The following GALNT13 variants were observed in gnomAD, a reference collection of about 807,000 sequenced individuals.
GALNT13 encodes the protein UDP-GalNAc:polypeptide N-acetylgalactosaminyltransferase 13.
GALNT13 carries 28 observed loss-of-function variants against 64.2 expected under a neutral mutation model. The observed-to-expected ratio is 0.44, with a 90% CI of 0.32 to 0.60. The LOEUF (loss-of-function observed/expected upper bound fraction) is 0.60. GALNT13 is among the 20% of genes least tolerant of loss of function. The probability of loss-of-function intolerance (pLI) is 0.05; values close to 1 mark genes in which losing one functional copy is unlikely to be tolerated. For synonymous variants in GALNT13, 214 were observed against 224.6 expected, an observed-to-expected ratio of 0.95 and a Z score of 0.42; for missense variants, 577 against 669.8, an observed-to-expected ratio of 0.86 and a Z score of 1.53.
rs577301436 is a variant in GALNT13, at chr2:153,884,839, G to C, written c.-177+12536G>C. ...TGTGTGTATATATATGTGTGTGTGT[G>C]TGTGTATATATGTATATACACACAC... is the stretch of plus-strand genomic sequence containing the variant. On this transcript the variant is annotated intron_variant, in intron 1 of 12. Coordinates refer to ENST00000392825, the MANE Select transcript of GALNT13 (RefSeq NM_052917.4). 2.9e-3 allele frequency among the ~76,000 whole-genome samples: 289 copies of C among 98,956 alleles called. 2 individuals carry two copies. The highest frequency in any genetic ancestry group is 0.013 in the African/African-American group (261 of 20,652). 64.9% of individuals were successfully genotyped at this position (98,956 alleles called of 152,430 possible).
At chr2:153,367,165 T>C in the GALNT13 span, among the ~76,000 whole-genome samples, 1 of 152,086 alleles carries the variant, frequency 6.6e-6, no homozygotes, top group East Asian at 1.9e-4. Flanking sequence ...TAAAATAAAA[T>C]TAGTTTATCT....
At chr2:153,648,309 T>G in the GALNT13 span, among the ~76,000 whole-genome samples, 3 of 152,230 alleles carry the variant, frequency 2.0e-5, no homozygotes, top group Non-Finnish European at 4.4e-5. Flanking sequence ...TTTTTGCACA[T>G]TGATTTTGTA....
chr2:153,985,747 C>T (rs1307812362), intron 3 of GALNT13, among the ~76,000 whole-genome samples: 5 of 151,942 alleles, frequency 3.3e-5, no homozygotes, highest in Non-Finnish European at 7.4e-5. Flanking sequence ...CACATGAAAA[C>T]ATGTCCTGAC....
the GALNT13 span, among the ~76,000 whole-genome samples, chr2:153,636,138 C>T: frequency 3.0e-4 from 45 of 152,040 alleles, no homozygotes; most frequent in Non-Finnish European, 5.3e-4. Context: ...GTCTAATTCC[C>T]CCCTTCACCA....
At chr2:154,024,638 A>G (rs1476324364) in intron 3 of GALNT13, among the ~76,000 whole-genome samples, 1 of 151,922 alleles carries the variant, frequency 6.6e-6, no homozygotes, top group Non-Finnish European at 1.5e-5. Context: ...ATTGGTTTGA[A>G]TTTCCTCCTG....
At chr2:153,936,321 G>T (rs988940886) in intron 2 of GALNT13, among the ~76,000 whole-genome samples, 3 of 152,154 alleles carry the variant, frequency 2.0e-5, no homozygotes, top group Non-Finnish European at 4.4e-5. Context: ...CAAATACTAT[G>T]CCATTTTATA....
chr2:154,301,181 A>G (rs1404700227), intron 8 of GALNT13, among the ~76,000 whole-genome samples: 1 of 152,208 alleles, frequency 6.6e-6, no homozygotes, highest in Admixed American at 6.5e-5. Context: ...AAAGAGACAT[A>G]CATTAAATGT....
At chr2:153,400,681 C>A in the GALNT13 span, among the ~76,000 whole-genome samples, 17 of 152,286 alleles carry the variant, frequency 1.1e-4, no homozygotes, top group South Asian at 2.9e-3. Context: ...GGAATTTATC[C>A]ATTTCTTCTA....
the GALNT13 span, among the ~76,000 whole-genome samples, chr2:153,566,744 C>G: frequency 6.6e-6 from 1 of 152,318 alleles, no homozygotes; most frequent in Non-Finnish European, 1.5e-5. Context: ...GGATTTGAAA[C>G]TGTGCCCTGA....
the GALNT13 span, among the ~76,000 whole-genome samples, chr2:153,488,059 G>T: frequency 1.3e-5 from 2 of 152,210 alleles, no homozygotes; most frequent in African/African-American, 4.8e-5. Flanking sequence ...TCATACCAGA[G>T]ATGCCTGGTA....
chr2:153,398,404 G>A, the GALNT13 span, among the ~76,000 whole-genome samples: 3 of 152,038 alleles, frequency 2.0e-5, no homozygotes, highest in Non-Finnish European at 4.4e-5. Flanking sequence ...TGTCTTTATA[G>A]CAGCATGATT....
chr2:153,763,376 A>C, the GALNT13 span, among the ~76,000 whole-genome samples: 1 of 152,196 alleles, frequency 6.6e-6, no homozygotes, highest in Non-Finnish European at 1.5e-5. Flanking sequence ...CTTGAATTGT[A>C]ATAATCTCCA....
the GALNT13 span, among the ~76,000 whole-genome samples, chr2:153,473,948 A>G: frequency 7.2e-5 from 11 of 152,182 alleles, no homozygotes; most frequent in African/African-American, 2.4e-4. Flanking sequence ...CTTTACTTTC[A>G]TGGCTTTGTC....
At chr2:154,394,841 T>C (rs1004958508) in intron 9 of GALNT13, among the ~76,000 whole-genome samples, 22 of 152,220 alleles carry the variant, frequency 1.4e-4, no homozygotes, top group Admixed American at 5.2e-4. Flanking sequence ...GTTTGGCTGC[T>C]TCAGCATCAG....
the GALNT13 span, among the ~76,000 whole-genome samples, chr2:153,225,381 A>G: frequency 1.3e-5 from 2 of 152,224 alleles, no homozygotes; most frequent in Non-Finnish European, 2.9e-5. Context: ...TACAGATAAT[A>G]TCGCATTTAA....
the GALNT13 span, among the ~76,000 whole-genome samples, chr2:153,089,253 A>G: frequency 0.34 from 51,098 of 152,082 alleles, 9,472 homozygotes; most frequent in Non-Finnish European, 0.44. Context: ...TCTGAGTACA[A>G]AATTCTTGGC....
chr2:153,309,715 AT>A, the GALNT13 span, among the ~76,000 whole-genome samples: 6 of 151,878 alleles, frequency 4.0e-5, no homozygotes, highest in East Asian at 1.9e-4. Flanking sequence ...TCATTTTTTG[AT>A]TTTTTTAAGT....
chr2:153,500,265 T>C, the GALNT13 span, among the ~76,000 whole-genome samples: 1 of 151,842 alleles, frequency 6.6e-6, no homozygotes, highest in Non-Finnish European at 1.5e-5. Context: ...CCATTTGGAG[T>C]GTGATGGCCT....
At chr2:153,780,234 T>TATATATATATATATATATATATGC in the GALNT13 span, among the ~76,000 whole-genome samples, 9 of 10,554 alleles carry the variant, frequency 8.5e-4, no homozygotes, top group Admixed American at 1.7e-3. Flanking sequence ...TATATATATA[T>TATATATATATATATATATATATGC]ATATATATAT....
Sources: allele counts gnomAD v4.1 joint callset (sites outside exome capture counted in the v4.1 genomes callset), GRCh38; gene constraint gnomAD v4.1.1; transcripts MANE v1.5; gene names NCBI Gene and HGNC (gene_info 2026-07-23, HGNC 2026-07-21).